Variants in L3MBTL3 observed in about 807,000 individuals in gnomAD.
L3MBTL3 encodes the protein lethal(3)malignant brain tumor-like protein 3.
In L3MBTL3, 27 loss-of-function variants were observed where a neutral mutation model predicts 102.3. The observed-to-expected ratio is 0.26, with a 90% CI of 0.19 to 0.36. The LOEUF (loss-of-function observed/expected upper bound fraction) is 0.36, where lower values mean the gene tolerates loss of function less well. L3MBTL3 is among the 10% of genes least tolerant of loss of function. The probability of loss-of-function intolerance (pLI) is 1.00; values close to 1 mark genes in which losing one functional copy is unlikely to be tolerated. For synonymous variants in L3MBTL3, 340 were observed against 320.9 expected (o/e 1.06, Z -0.64); for missense variants, 798 against 955.3 (o/e 0.84, Z 2.17).
chr6:130,095,720 A>C (rs1199517537), intron 18 of L3MBTL3, among the ~76,000 whole-genome samples: 1 of 152,196 alleles, frequency 6.6e-6, no homozygotes, highest in African/African-American at 2.4e-5. Flanking sequence ...TCTGAGATCC[A>C]GGGGCCAGCA....
intron 5 of L3MBTL3, among the ~76,000 whole-genome samples, chr6:130,050,953 G>T (rs937044821): frequency 6.6e-6 from 1 of 152,146 alleles, no homozygotes; most frequent in Admixed American, 6.5e-5. Context: ...CGATATATGC[G>T]TCTTCTGAAT....
chr6:130,032,576 A>G (rs950030710), intron 2 of L3MBTL3, among the ~76,000 whole-genome samples: 1 of 152,244 alleles, frequency 6.6e-6, no homozygotes, highest in Non-Finnish European at 1.5e-5. Context: ...CTGGTTTACT[A>G]TCTGGTAAGT....
intron 10 of L3MBTL3, among the ~76,000 whole-genome samples, chr6:130,063,658 A>G (rs1782054359): frequency 6.6e-6 from 1 of 152,094 alleles, no homozygotes; most frequent in African/African-American, 2.4e-5. Flanking sequence ...AATTGAACTC[A>G]CAAGTAAGAG....
intron 13 of L3MBTL3, among the ~76,000 whole-genome samples, chr6:130,075,849 G>C (rs1782917463): frequency 6.6e-6 from 1 of 152,288 alleles, no homozygotes; most frequent in East Asian, 1.9e-4. Flanking sequence ...TGGAGAAAAT[G>C]AAGAAGTAAA....
intron 16 of L3MBTL3, among the ~76,000 whole-genome samples, chr6:130,087,380 G>T (rs1783753058): frequency 6.6e-6 from 1 of 151,870 alleles, no homozygotes; most frequent in Admixed American, 6.6e-5. Flanking sequence ...CAGTATTTTA[G>T]AACTAGAAGT....
intron 2 of L3MBTL3, among the ~76,000 whole-genome samples, chr6:130,038,393 A>G (rs1780196288): frequency 6.6e-6 from 1 of 152,056 alleles, no homozygotes; most frequent in African/African-American, 2.4e-5. Context: ...CCAAGAAGAT[A>G]CAGGAGCTCA....
intron 2 of L3MBTL3, among the ~76,000 whole-genome samples, chr6:130,033,343 C>G (rs1248110671): frequency 2.0e-5 from 3 of 151,870 alleles, no homozygotes; most frequent in Admixed American, 6.6e-5. Flanking sequence ...CCAAGTTTGA[C>G]AGTTAACGGT....
intron 19 of L3MBTL3, among the ~76,000 whole-genome samples, chr6:130,117,008 C>A (rs940030748): frequency 7.1e-6 from 1 of 140,376 alleles, no homozygotes. Context: ...TTTTAGGGTA[C>A]ATGTGCACAT....
chr6:130,056,387 A>G (rs1013585879), intron 8 of L3MBTL3, among the ~76,000 whole-genome samples: 1 of 152,148 alleles, frequency 6.6e-6, no homozygotes, highest in Non-Finnish European at 1.5e-5. Context: ...GATGTCCCCC[A>G]CAAGGCTCTA....
At chr6:130,096,873 A>T (rs1784391015) in intron 18 of L3MBTL3, among the ~76,000 whole-genome samples, 1 of 152,208 alleles carries the variant, frequency 6.6e-6, no homozygotes, top group Non-Finnish European at 1.5e-5. Context: ...TTGGAAGGAG[A>T]GGCAGAAGTA....
At chr6:130,029,774 G>A (rs1779595162) in intron 2 of L3MBTL3, among the ~76,000 whole-genome samples, 2 of 152,044 alleles carry the variant, frequency 1.3e-5, no homozygotes, top group Admixed American at 6.5e-5. Flanking sequence ...TGATAAACTG[G>A]TTCTTGGAGG....
chr6:130,095,154 T>C (rs530475400), intron 18 of L3MBTL3, among the ~76,000 whole-genome samples: 107 of 152,342 alleles, frequency 7.0e-4, no homozygotes, highest in African/African-American at 2.5e-3. Flanking sequence ...GTCGGTATAA[T>C]GTTCTAACTA....
chr6:130,075,713 A>G (rs933870402), intron 13 of L3MBTL3, among the ~76,000 whole-genome samples: 2 of 152,148 alleles, frequency 1.3e-5, no homozygotes, highest in African/African-American at 4.8e-5. Flanking sequence ...GTTTTTAGGC[A>G]GAAGGCAGGA....
In L3MBTL3 at chr6:130,088,779, C is replaced by T. The variant is rs553421253; in HGVS notation, c.1518+2529C>T. Among the ~76,000 whole-genome samples the T allele has an allele frequency of 2.6e-5, 4 of 152,238 alleles. No homozygotes were observed. In the South Asian group the frequency reaches 8.3e-4, roughly 32 times the overall value. On this transcript the variant is annotated intron_variant, in intron 16 of 22. Coordinates refer to ENST00000361794, the MANE Select transcript of L3MBTL3 (RefSeq NM_032438.4). ...ATATTACCTATATTCTACTCTTTCT[C>T]AGTTCATCAATTTTAAATATGGTTT...
chr6:130,102,580 T>C (rs1386131012), intron 18 of L3MBTL3, among the ~76,000 whole-genome samples: 1 of 152,226 alleles, frequency 6.6e-6, no homozygotes, highest in Non-Finnish European at 1.5e-5. Flanking sequence ...TGCTAGGCTC[T>C]ACATGATATT....
rs1778714660 is a variant in L3MBTL3 at position 130,018,600 on chromosome 6, G to T, written c.-159G>T. 6.5e-6 allele frequency: 1 copy of T among 154,064 alleles called. No homozygotes were observed. Among genetic ancestry groups the T allele is most frequent in the Admixed American group, 6.5e-5 (1 of 15,288 alleles). 9.5% of individuals were successfully genotyped at this position (154,064 alleles called of 1,614,324 possible). On this transcript the variant is annotated 5_prime_UTR_variant, in exon 1 of 23. Transcript: ENST00000361794. ...CTACGCGCACATGCGCATTGCGCCC[G>T]CAGCCCTGGACCATTTGTCAGGACT...
At chr6:130,075,000 T>A (rs2115037243) in intron 13 of L3MBTL3, among the ~76,000 whole-genome samples, 1 of 152,274 alleles carries the variant, frequency 6.6e-6, no homozygotes, top group East Asian at 1.9e-4. Context: ...CTCCCTAAAA[T>A]CATGTTGAAA....
chr6:130,117,256 A>G, intron 19 of L3MBTL3, among the ~76,000 whole-genome samples: 5 of 147,586 alleles, frequency 3.4e-5, no homozygotes, highest in African/African-American at 7.6e-5. Flanking sequence ...GTTTACTGAG[A>G]ATGATGATTT....
At position 130,097,672 on chromosome 6, in the gene L3MBTL3, A is replaced by G. The variant is rs116463713; in HGVS notation, c.1736+3305A>G. 5.7e-3 allele frequency among the ~76,000 whole-genome samples: 861 copies of G among 152,314 alleles called. 14 individuals are homozygous for G. Among genetic ancestry groups the G allele is most frequent in the African/African-American group, 0.019 (802 of 41,570 alleles). On this transcript the variant is annotated intron_variant, in intron 18 of 22. Transcript: ENST00000361794. ...CCAACTCTCTAGCAAGGGAACATTAATATTGGTTGTGTCACAGTGTTTCCC... is the reference window on the plus strand; with the variant it reads ...CCAACTCTCTAGCAAGGGAACATTAGTATTGGTTGTGTCACAGTGTTTCCC...
Sources: gnomAD v4.1 joint callset for allele counts (sites outside exome capture counted in the v4.1 genomes callset) on GRCh38, gnomAD v4.1.1 for gene constraint, MANE v1.5 for transcripts, NCBI Gene and HGNC (gene_info 2026-07-23, HGNC 2026-07-21) for gene names.